Variants in SLC22A3 observed in about 807,000 individuals in gnomAD.
The protein encoded by SLC22A3 is EMT organic cation transporter 3.
SLC22A3 carries 51 observed loss-of-function variants against 59.1 expected under a neutral mutation model. That is an observed-to-expected ratio of 0.86 (90% confidence interval 0.69 to 1.09). SLC22A3 has a LOEUF of 1.09. Ranked by LOEUF, SLC22A3 falls within the 50% of genes least tolerant of loss-of-function variation. The probability of loss-of-function intolerance (pLI) is 0.00; values close to 1 mark genes in which losing one functional copy is unlikely to be tolerated. For missense variants in SLC22A3, 711 were observed against 726.3 expected (o/e 0.98, Z 0.24); for synonymous variants, 325 against 292.0 (o/e 1.11, Z -1.15).
intron 1 of SLC22A3, among the ~76,000 whole-genome samples, chr6:160,358,810 C>T (rs1335308660): frequency 6.6e-6 from 1 of 152,208 alleles, no homozygotes; most frequent in African/African-American, 2.4e-5. Context: ...TGGACTCACT[C>T]AGAACCCCAC....
chr6:160,381,320 T>C (rs1022988280), intron 1 of SLC22A3, among the ~76,000 whole-genome samples: 1 of 152,242 alleles, frequency 6.6e-6, no homozygotes, highest in Non-Finnish European at 1.5e-5. Flanking sequence ...AGACACATTT[T>C]TGGAAGCATG....
intron 9 of SLC22A3, among the ~76,000 whole-genome samples, chr6:160,446,447 C>T (rs1432240466): frequency 2.0e-5 from 3 of 152,192 alleles, no homozygotes; most frequent in Non-Finnish European, 4.4e-5. Context: ...CCTCAGGAAA[C>T]TTACAATCAT....
chr6:160,397,976 C>A lies in SLC22A3; in HGVS notation c.430-3C>A. 6.2e-7 allele frequency: 1 copy of A among 1,611,480 alleles called. No homozygotes were observed. The highest frequency in any genetic ancestry group is 1.1e-5 in the South Asian group (1 of 91,010). On this transcript the variant is annotated splice_polypyrimidine_tract_variant and splice_region_variant and intron_variant, in intron 1 of 10. Transcript: ENST00000275300. Reference sequence around the variant, plus strand: ...TCCATGTGTGTTTTCTTTGTTTTCTCAGTTTGACCTTGTCTGTGTCAATGC... The same window carrying A: ...TCCATGTGTGTTTTCTTTGTTTTCTAAGTTTGACCTTGTCTGTGTCAATGC...
intron 5 of SLC22A3, among the ~76,000 whole-genome samples, chr6:160,434,524 AAAT>A (rs1280043809): frequency 1.3e-5 from 2 of 152,238 alleles, no homozygotes; most frequent in Non-Finnish European, 2.9e-5. Flanking sequence ...ATGAGACTTA[AAAT>A]AATCCACGTA....
intron 2 of SLC22A3, among the ~76,000 whole-genome samples, chr6:160,398,556 T>A (rs1786620509): frequency 6.6e-6 from 1 of 152,164 alleles, no homozygotes; most frequent in South Asian, 2.1e-4. Context: ...GTGAAAAAAA[T>A]ATTTTTCCAA....
intron 1 of SLC22A3, among the ~76,000 whole-genome samples, chr6:160,379,597 A>G (rs1182285713): frequency 6.6e-6 from 1 of 152,218 alleles, no homozygotes; most frequent in Non-Finnish European, 1.5e-5. Flanking sequence ...ACTTACCATT[A>G]TTAAACACTT....
At chr6:160,401,705 T>TTA (rs1392881179) in intron 2 of SLC22A3, among the ~76,000 whole-genome samples, 1 of 151,922 alleles carries the variant, frequency 6.6e-6, no homozygotes, top group Non-Finnish European at 1.5e-5. Flanking sequence ...TTGTGTATGT[T>TTA]TATATATATA....
At position 160,440,888 on chromosome 6, in the gene SLC22A3, A is replaced by G. The variant is rs562893336; in HGVS notation, c.1289-1873A>G. ...ATCTCCACAAATGGGGCAACTTGGC[A>G]TTTTCTGAATGTTTTACTGAATTGA... On this transcript the variant is annotated intron_variant, in intron 7 of 10. Coordinates refer to ENST00000275300, the MANE Select transcript of SLC22A3 (RefSeq NM_021977.4). 2.6e-5 allele frequency among the ~76,000 whole-genome samples: 4 copies of G among 152,188 alleles called. No homozygotes were observed. The East Asian group carries it at 7.7e-4, about 29-fold the overall frequency.
chr6:160,441,916 A>G (rs1788556427), intron 7 of SLC22A3, among the ~76,000 whole-genome samples: 1 of 152,242 alleles, frequency 6.6e-6, no homozygotes, highest in South Asian at 2.1e-4. Flanking sequence ...GATGACATCA[A>G]TTGCACAACT....
intron 1 of SLC22A3, among the ~76,000 whole-genome samples, chr6:160,382,616 T>C (rs1379556106): frequency 6.6e-6 from 1 of 152,176 alleles, no homozygotes; most frequent in Non-Finnish European, 1.5e-5. Context: ...TCCTCTGATA[T>C]ATCAAGCTAG....
At chr6:160,390,669 G>T (rs1786219901) in intron 1 of SLC22A3, among the ~76,000 whole-genome samples, 1 of 152,172 alleles carries the variant, frequency 6.6e-6, no homozygotes, top group East Asian at 1.9e-4. Context: ...TCAGCACAAA[G>T]CTCATCCCTG....
At chr6:160,360,622 C>T (rs555523652) in intron 1 of SLC22A3, among the ~76,000 whole-genome samples, 14 of 152,312 alleles carry the variant, frequency 9.2e-5, no homozygotes, top group African/African-American at 3.1e-4. Flanking sequence ...AATTGAAGTA[C>T]TGTCCTGACC....
intron 1 of SLC22A3, among the ~76,000 whole-genome samples, chr6:160,384,661 G>T (rs1785928967): frequency 2.0e-5 from 3 of 152,238 alleles, no homozygotes; most frequent in Admixed American, 2.0e-4. Flanking sequence ...AGCCCCAGGG[G>T]TCTGGGAGGC....
At chr6:160,438,641 A>T (rs1253722364) in intron 7 of SLC22A3, among the ~76,000 whole-genome samples, 1 of 151,920 alleles carries the variant, frequency 6.6e-6, no homozygotes, top group Non-Finnish European at 1.5e-5. Context: ...AAGTCCCCTG[A>T]CATGTTGGAA....
At chr6:160,360,785 A>C (rs898089232) in intron 1 of SLC22A3, among the ~76,000 whole-genome samples, 3 of 152,134 alleles carry the variant, frequency 2.0e-5, no homozygotes, top group Admixed American at 1.3e-4. Flanking sequence ...CAACCAATGT[A>C]GTCTTTTTTA....
At chr6:160,383,414 A>T (rs1057146669) in intron 1 of SLC22A3, among the ~76,000 whole-genome samples, 3 of 152,144 alleles carry the variant, frequency 2.0e-5, no homozygotes, top group Admixed American at 6.6e-5. Context: ...CCTCCGATAG[A>T]TATTGCATCT....
intron 5 of SLC22A3, among the ~76,000 whole-genome samples, chr6:160,421,045 T>C (rs1787713566): frequency 6.6e-6 from 1 of 152,168 alleles, no homozygotes; most frequent in African/African-American, 2.4e-5. Context: ...CCCTGCTTCA[T>C]TCCTGCCTGA....
At chr6:160,387,006 G>T (rs1562479083) in intron 1 of SLC22A3, among the ~76,000 whole-genome samples, 1 of 152,172 alleles carries the variant, frequency 6.6e-6, no homozygotes, top group Non-Finnish European at 1.5e-5. Context: ...CTCCAGCAGG[G>T]TACAACCTGG....
chr6:160,373,136 T>C (rs1785461000), intron 1 of SLC22A3, among the ~76,000 whole-genome samples: 1 of 152,250 alleles, frequency 6.6e-6, no homozygotes, highest in Non-Finnish European at 1.5e-5. Flanking sequence ...CTCATCTTCG[T>C]GGATTTATCT....
Sources: allele counts gnomAD v4.1 joint callset (sites outside exome capture counted in the v4.1 genomes callset), GRCh38; gene constraint gnomAD v4.1.1; transcripts MANE v1.5; gene names NCBI Gene and HGNC (gene_info 2026-07-23, HGNC 2026-07-21).